POU2F1: variants seen among roughly 807,000 people sequenced by gnomAD.
POU2F1 encodes the protein POU class 2 homeobox 1.
POU2F1 carries 16 observed loss-of-function variants against 84.9 expected under a neutral mutation model. The observed-to-expected ratio is 0.19, with a 90% CI of 0.13 to 0.29. The LOEUF (loss-of-function observed/expected upper bound fraction) is 0.29. Ranked by LOEUF, POU2F1 falls within the 10% of genes least tolerant of loss-of-function variation. POU2F1 has a pLI of 1.00. For missense variants in POU2F1, 738 were observed against 942.6 expected (o/e 0.78, Z 2.84); for synonymous variants, 368 against 368.3 (o/e 1.00, Z 0.01).
At chr1:167,343,381 T>A (rs572477336) in intron 2 of POU2F1, among the ~76,000 whole-genome samples, 4 of 152,182 alleles carry the variant, frequency 2.6e-5, no homozygotes, top group Admixed American at 2.0e-4. Flanking sequence ...TCTAAAATGC[T>A]GTTTTCAGTA....
chr1:167,360,793 C>T (rs549697887), intron 2 of POU2F1, among the ~76,000 whole-genome samples: 1 of 152,158 alleles, frequency 6.6e-6, no homozygotes, highest in Non-Finnish European at 1.5e-5. Context: ...GCAGTATAGA[C>T]ATTTTAAAGG....
chr1:167,373,391 T>C (rs918117702), intron 5 of POU2F1, among the ~76,000 whole-genome samples: 1 of 152,214 alleles, frequency 6.6e-6, no homozygotes, highest in African/African-American at 2.4e-5. Flanking sequence ...TGGTGACTAG[T>C]GTCTACAATA....
In POU2F1 at chr1:167,401,509, C is replaced by G. The variant is rs772616417; in HGVS notation, c.1508C>G (p.Pro503Arg). 1 of 1,613,348 alleles carries G rather than the reference C, an allele frequency of 6.2e-7. No individual in the cohort carries two copies. The highest frequency in any genetic ancestry group is 1.7e-5 in the Admixed American group (1 of 59,928). Residue 503 changes from proline (P) to arginine (R), a missense_variant, in exon 13 of 16, where the codon CCT becomes CGT. Pro to Arg is a moderately radical substitution (Grantham distance 103). Transcript: ENST00000367866. ...SSAATTLTVS[P>R]VLPLTSAAVT... The stretch of plus-strand genomic sequence containing the variant: ...GCAGCAACTACCCTCACAGTCAGCC[C>G]TGTCCTCCCTCTGACCAGTGCTGCT...
At chr1:167,268,755 G>A (rs2102460397) in intron 1 of POU2F1, among the ~76,000 whole-genome samples, 1 of 152,284 alleles carries the variant, frequency 6.6e-6, no homozygotes, top group Admixed American at 6.5e-5. Context: ...GAAGTGGAGA[G>A]CAATGCACAC....
chr1:167,332,671 T>C (rs1657154170), intron 2 of POU2F1, 136 bp downstream of exon 2: 11 of 615,462 alleles, frequency 1.8e-5, no homozygotes, highest in South Asian at 1.7e-4. Context: ...TTCAGTCCTT[T>C]AGGAACTGGG....
intron 1 of POU2F1, among the ~76,000 whole-genome samples, chr1:167,294,817 T>A (rs34122408): frequency 0.015 from 2,220 of 152,080 alleles, 22 homozygotes; most frequent in South Asian, 0.027. Flanking sequence ...CTATGAAAAG[T>A]AGTGTGGAGA....
intron 2 of POU2F1, among the ~76,000 whole-genome samples, chr1:167,347,618 A>G (rs777341852): frequency 2.3e-4 from 35 of 152,314 alleles, no homozygotes; most frequent in Non-Finnish European, 3.7e-4. Flanking sequence ...GCAGCTACCA[A>G]TCTATCCAGG....
At chr1:167,387,941 TG>T (rs1257688740) in intron 8 of POU2F1, among the ~76,000 whole-genome samples, 2 of 152,206 alleles carry the variant, frequency 1.3e-5, no homozygotes, top group Non-Finnish European at 2.9e-5. Context: ...ATTTTATCAA[TG>T]TTAGAAATAA....
chr1:167,392,524 T>C (rs951003949), intron 9 of POU2F1, among the ~76,000 whole-genome samples: 2 of 152,240 alleles, frequency 1.3e-5, no homozygotes, highest in Non-Finnish European at 2.9e-5. Flanking sequence ...GTAAGTGATA[T>C]GCCAAAGATG....
In POU2F1 at chr1:167,389,475, A is replaced by G. The variant is rs931975752; in HGVS notation, c.814-113A>G. 4 of 1,105,586 alleles carry G rather than the reference A, an allele frequency of 3.6e-6. No homozygotes were observed. The South Asian group carries it at 4.5e-5, about 12-fold the overall frequency. The allele number at this position is 1,105,586 out of a possible 1,614,324, so 68.5% of individuals were successfully genotyped here. On this transcript the variant is annotated intron_variant, in intron 8 of 15. Coordinates refer to ENST00000367866, the MANE Select transcript of POU2F1 (RefSeq NM_002697.4). ...TATGTTGTACATTCTGTAGTGTTAC[A>G]TGGTCTTCATCGTTATCCATAAATG...
At chr1:167,334,150 AC>A (rs1657263765) in intron 2 of POU2F1, among the ~76,000 whole-genome samples, 1 of 107,326 alleles carries the variant, frequency 9.3e-6, no homozygotes, top group Non-Finnish European at 1.8e-5. Context: ...CAACTACAAC[AC>A]TTTTTTTTTT....
At position 167,277,317 on chromosome 1, in the gene POU2F1, A is replaced by T. The variant is rs183382937; in HGVS notation, c.62-55153A>T. 4.9e-4 allele frequency among the ~76,000 whole-genome samples: 75 copies of T among 151,858 alleles called. No homozygotes were observed. In the East Asian group the frequency reaches 0.014, roughly 28 times the overall value. On this transcript the variant is annotated intron_variant, in intron 1 of 15. Coordinates refer to ENST00000367866, the MANE Select transcript of POU2F1 (RefSeq NM_002697.4). ...AGTGGCGCAATCATAGCTCACTGCA[A>T]CCTCACACTCCTGGGCTTAAGTGAT...
chr1:167,328,520 A>G (rs1656859620), intron 1 of POU2F1, among the ~76,000 whole-genome samples: 1 of 152,110 alleles, frequency 6.6e-6, no homozygotes, highest in Non-Finnish European at 1.5e-5. Context: ...TCCTCTTATT[A>G]CTGAAGTCAT....
At chr1:167,297,304 G>A (rs922589496) in intron 1 of POU2F1, among the ~76,000 whole-genome samples, 2 of 152,144 alleles carry the variant, frequency 1.3e-5, no homozygotes, top group African/African-American at 4.8e-5. Flanking sequence ...TCAGACAATT[G>A]GAACTGGCTG....
At chr1:167,367,718 T>TACA (rs1477606904) in intron 3 of POU2F1, among the ~76,000 whole-genome samples, 1 of 152,164 alleles carries the variant, frequency 6.6e-6, no homozygotes, top group Non-Finnish European at 1.5e-5. Context: ...ACCATATGTG[T>TACA]ATATGTATGT....
rs1202733343 is a variant in POU2F1, at chr1:167,333,210, G to C, written c.127+675G>C. On this transcript the variant is annotated intron_variant, in intron 2 of 15. Transcript: ENST00000367866. ...AATACTGAGGCCCCATGAGAGAAAGGTAAATCTGTAAAGGATGGTTTGTCT... is the reference window on the plus strand; with the variant it reads ...AATACTGAGGCCCCATGAGAGAAAGCTAAATCTGTAAAGGATGGTTTGTCT... 2.0e-5 allele frequency among the ~76,000 whole-genome samples: 3 copies of C among 151,852 alleles called. No individual in the cohort carries two copies. In the South Asian group the frequency reaches 6.3e-4, roughly 32 times the overall value.
In POU2F1 at chr1:167,376,140, C is replaced by A. The variant is rs1235749282; in HGVS notation, c.703C>A (p.Pro235Thr). The change falls in exon 7 of 16, where the codon CCC becomes ACC. Residue 235 changes from proline (P) to threonine (T), a missense_variant. Transcript: ENST00000367866. The stretch of plus-strand genomic sequence containing the variant: ...AGCGCAGTTTATCATCTCACAGACG[C>A]CCCAGGGCCAGCAGGGTGAGCTCCT... ...QPAQFIISQT[P>T]QGQQGLLQAQ... The A allele has an allele frequency of 1.2e-6, 2 of 1,614,062 alleles. No homozygotes were observed. The highest frequency in any genetic ancestry group is 2.7e-5 in the African/African-American group (2 of 74,932).
chr1:167,357,383 C>G (rs867857655), intron 2 of POU2F1: 1 of 90,788 alleles, frequency 1.1e-5, no homozygotes, highest in Non-Finnish European at 2.4e-5. Context: ...CCCCCCACCC[C>G]CCCCCGCTTC....
intron 2 of POU2F1, among the ~76,000 whole-genome samples, chr1:167,335,326 G>A (rs924245375): frequency 1.8e-4 from 27 of 152,296 alleles, no homozygotes; most frequent in Non-Finnish European, 3.4e-4. Flanking sequence ...GTACAGAAAA[G>A]TGCCATAGTG....
Sources: allele counts gnomAD v4.1 joint callset (sites outside exome capture counted in the v4.1 genomes callset), GRCh38; gene constraint gnomAD v4.1.1; transcripts MANE v1.5; gene names NCBI Gene and HGNC (gene_info 2026-07-23, HGNC 2026-07-21).